Variants in FUT9 observed in about 807,000 individuals in gnomAD.
FUT9 encodes the protein 4-galactosyl-N-acetylglucosaminide 3-alpha-L-fucosyltransferase 9.
A neutral mutation model predicts 29.7 loss-of-function variants in FUT9; 15 were observed. The ratio of observed to expected loss-of-function variants is 0.51; its 90% CI spans 0.34 to 0.78. The LOEUF (loss-of-function observed/expected upper bound fraction) is 0.78, where lower values mean the gene tolerates loss of function less well. FUT9 is among the 30% of genes least tolerant of loss of function. FUT9 has a pLI of 0.01. For synonymous variants in FUT9, 169 were observed against 153.7 expected, an observed-to-expected ratio of 1.10 and a Z score of -0.74; for missense variants, 319 against 425.4, an observed-to-expected ratio of 0.75 and a Z score of 2.20.
chr6:96,130,199 GA>G (rs1241216311), intron 2 of FUT9, among the ~76,000 whole-genome samples: 2 of 151,966 alleles, frequency 1.3e-5, no homozygotes, highest in Non-Finnish European at 2.9e-5. Context: ...AAGGCAGTAT[GA>G]GAAAAATTAA....
chr6:96,199,482 G>T (rs1405076033), intron 2 of FUT9, among the ~76,000 whole-genome samples: 1 of 152,128 alleles, frequency 6.6e-6, no homozygotes, highest in African/African-American at 2.4e-5. Flanking sequence ...CAGGAAGCAT[G>T]AAAACTGGAA....
chr6:96,198,170 G>C (rs1211226366), intron 2 of FUT9, among the ~76,000 whole-genome samples: 3 of 151,480 alleles, frequency 2.0e-5, no homozygotes, highest in Admixed American at 1.3e-4. Context: ...ACAATGTGCA[G>C]GTTAGTTACA....
intron 1 of FUT9, among the ~76,000 whole-genome samples, chr6:96,096,271 T>C (rs534256639): frequency 1.5e-3 from 223 of 152,228 alleles, no homozygotes; most frequent in Non-Finnish European, 2.6e-3. Context: ...TTGTTCTGAA[T>C]TGAAGTTTTC....
At chr6:96,128,478 C>T (rs1443530649) in intron 2 of FUT9, among the ~76,000 whole-genome samples, 3 of 152,138 alleles carry the variant, frequency 2.0e-5, no homozygotes, top group Non-Finnish European at 4.4e-5. Context: ...TCATAACATT[C>T]ATCGTTATTA....
chr6:96,170,162 C>A (rs1036584455), intron 2 of FUT9, among the ~76,000 whole-genome samples: 1 of 152,006 alleles, frequency 6.6e-6, no homozygotes, highest in Non-Finnish European at 1.5e-5. Flanking sequence ...CTTTGCCATT[C>A]GAAACTTTTC....
intron 2 of FUT9, among the ~76,000 whole-genome samples, chr6:96,133,184 G>A (rs1446337318): frequency 1.3e-5 from 2 of 151,830 alleles, no homozygotes; most frequent in African/African-American, 2.4e-5. Context: ...CCATTTGTAT[G>A]CGTGTGTACT....
chr6:96,043,418 A>C (rs1042597728), intron 1 of FUT9, among the ~76,000 whole-genome samples: 1 of 152,136 alleles, frequency 6.6e-6, no homozygotes, highest in Non-Finnish European at 1.5e-5. Flanking sequence ...GTTTTTGTTA[A>C]GTTATAGTTA....
intron 1 of FUT9, among the ~76,000 whole-genome samples, chr6:96,074,038 A>G (rs1444758619): frequency 6.6e-6 from 1 of 152,180 alleles, no homozygotes; most frequent in Non-Finnish European, 1.5e-5. Flanking sequence ...AATAATAAAA[A>G]ATATCTACTA....
At chr6:96,067,472 A>G (rs1770983669) in intron 1 of FUT9, among the ~76,000 whole-genome samples, 2 of 152,166 alleles carry the variant, frequency 1.3e-5, no homozygotes, top group Admixed American at 6.5e-5. Flanking sequence ...TGATCGTATC[A>G]GAGGCATCAT....
chr6:96,102,820 A>T (rs1013371462), intron 1 of FUT9, among the ~76,000 whole-genome samples: 25 of 152,228 alleles, frequency 1.6e-4, no homozygotes, highest in African/African-American at 6.0e-4. Context: ...TTGAAAAGAA[A>T]ACATCTTCCC....
At chr6:96,136,275 T>C (rs1772348176) in intron 2 of FUT9, among the ~76,000 whole-genome samples, 1 of 151,756 alleles carries the variant, frequency 6.6e-6, no homozygotes, top group South Asian at 2.1e-4. Context: ...CTTGAGTGAG[T>C]AGAATAATTT....
intron 1 of FUT9, among the ~76,000 whole-genome samples, chr6:96,103,204 T>C (rs1270432681): frequency 2.6e-5 from 4 of 152,264 alleles, no homozygotes; most frequent in South Asian, 2.1e-4. Flanking sequence ...TCAGGGCAAA[T>C]ACACACACAC....
intron 2 of FUT9, among the ~76,000 whole-genome samples, chr6:96,143,557 C>T (rs1772505753): frequency 1.3e-5 from 2 of 151,838 alleles, no homozygotes; most frequent in Non-Finnish European, 2.9e-5. Flanking sequence ...CATCCCCTCC[C>T]TTTTCTCCTT....
chr6:96,038,142 T>C (rs1298916640), intron 1 of FUT9, among the ~76,000 whole-genome samples: 1 of 152,088 alleles, frequency 6.6e-6, no homozygotes, highest in African/African-American at 2.4e-5. Flanking sequence ...ATACAAAATA[T>C]GTAATTACAA....
At chr6:96,087,586 C>T (rs1282026290) in intron 1 of FUT9, among the ~76,000 whole-genome samples, 4 of 151,938 alleles carry the variant, frequency 2.6e-5, no homozygotes, top group African/African-American at 9.7e-5. Context: ...AGGATGGTCT[C>T]GATCTCTTGA....
chr6:96,108,608 T>C (rs967919721), intron 1 of FUT9, among the ~76,000 whole-genome samples: 3 of 152,152 alleles, frequency 2.0e-5, no homozygotes, highest in African/African-American at 7.2e-5. Context: ...TTCACTGCCT[T>C]GTGCATGTCT....
At chr6:96,060,543 C>CT (rs1002402128) in intron 1 of FUT9, among the ~76,000 whole-genome samples, 1,579 of 149,332 alleles carry the variant, frequency 0.011, 32 homozygotes, top group African/African-American at 0.036. Flanking sequence ...TTCTCTCTCT[C>CT]TTTTTTTTTT....
At chr6:96,164,407 T>G (rs1276157776) in intron 2 of FUT9, among the ~76,000 whole-genome samples, 4 of 151,930 alleles carry the variant, frequency 2.6e-5, no homozygotes, top group Non-Finnish European at 5.9e-5. Context: ...TACAGGCGCC[T>G]GCCACCGCTC....
chr6:96,040,404 C>A (rs1446568562), intron 1 of FUT9, among the ~76,000 whole-genome samples: 5 of 152,136 alleles, frequency 3.3e-5, no homozygotes, highest in Non-Finnish European at 7.3e-5. Context: ...AGTGCAAAAC[C>A]ATGGTGCATT....
Sources: gnomAD v4.1 joint callset for allele counts (sites outside exome capture counted in the v4.1 genomes callset) on GRCh38, gnomAD v4.1.1 for gene constraint, MANE v1.5 for transcripts, NCBI Gene and HGNC (gene_info 2026-07-23, HGNC 2026-07-21) for gene names.